The following ABCB1 variants were observed in gnomAD, a reference collection of about 807,000 sequenced individuals.
ABCB1 encodes ATP-dependent translocase ABCB1.
A neutral mutation model predicts 142.0 loss-of-function variants in ABCB1; 69 were observed. The ratio of observed to expected loss-of-function variants is 0.49; its 90% CI spans 0.40 to 0.59. The LOEUF (loss-of-function observed/expected upper bound fraction) is 0.59, where lower values mean the gene tolerates loss of function less well. ABCB1 is among the 20% of genes least tolerant of loss of function. ABCB1 has a pLI of 0.00. For missense variants in ABCB1, 1,326 were observed against 1,554.7 expected (o/e 0.85, Z 2.47); for synonymous variants, 532 against 539.2 (o/e 0.99, Z 0.18).
At chr7:87,599,943 A>G (rs1194743710) in intron 2 of ABCB1, among the ~76,000 whole-genome samples, 174 bp downstream of exon 2, 1 of 152,216 alleles carries the variant, frequency 6.6e-6, no homozygotes, top group Non-Finnish European at 1.5e-5. Context: ...GCTGTGCTCC[A>G]CTCAGCCAAC....
intron 1 of ABCB1, chr7:87,694,067 G>A: frequency 1.3e-6 from 2 of 1,527,630 alleles, no homozygotes; most frequent in Non-Finnish European, 1.7e-6. Flanking sequence ...ACATTGCATG[G>A]GTTTTGTAAA....
intron 14 of ABCB1, among the ~76,000 whole-genome samples, chr7:87,548,807 C>G (rs1388544278): frequency 6.6e-6 from 1 of 152,200 alleles, no homozygotes; most frequent in Non-Finnish European, 1.5e-5. Flanking sequence ...CAGTCAAACT[C>G]TGTTGATAGT....
intron 1 of ABCB1, among the ~76,000 whole-genome samples, chr7:87,668,451 C>T (rs1825489886): frequency 6.6e-6 from 1 of 151,746 alleles, no homozygotes; most frequent in African/African-American, 2.4e-5. Flanking sequence ...ATTAATTGAT[C>T]TTTTGATTGT....
At chr7:87,555,387 T>A (rs1817261989) in intron 8 of ABCB1, among the ~76,000 whole-genome samples, 1 of 152,212 alleles carries the variant, frequency 6.6e-6, no homozygotes. Context: ...AATTCACAAC[T>A]ATATAAATAT....
chr7:87,546,641 A>G (rs559754524), intron 14 of ABCB1, among the ~76,000 whole-genome samples: 7 of 152,290 alleles, frequency 4.6e-5, no homozygotes, highest in East Asian at 1.9e-4. Context: ...GCGTTGGCCA[A>G]TCAAAACAAA....
chr7:87,639,506 A>G (rs1822212927), intron 1 of ABCB1, among the ~76,000 whole-genome samples: 1 of 152,094 alleles, frequency 6.6e-6, no homozygotes, highest in South Asian at 2.1e-4. Flanking sequence ...TACCTCTATG[A>G]CTGTAGATTT....
chr7:87,580,969 C>T (rs1228267910), intron 4 of ABCB1, among the ~76,000 whole-genome samples: 1 of 151,730 alleles, frequency 6.6e-6, no homozygotes, highest in Non-Finnish European at 1.5e-5. Context: ...AGTGTGGTCG[C>T]TCACCTGGTT....
At chr7:87,691,265 G>T (rs1489475116) in intron 1 of ABCB1, among the ~76,000 whole-genome samples, 1 of 151,938 alleles carries the variant, frequency 6.6e-6, no homozygotes, top group East Asian at 1.9e-4. Flanking sequence ...ATACTTCTTG[G>T]GTCAGGAAAT....
chr7:87,509,398 C>T lies in ABCB1; in HGVS notation c.3366G>A (p.Leu1122=), dbSNP rs2117068273. The T allele has an allele frequency of 6.2e-7, 1 of 1,614,180 alleles. No homozygotes were observed. Among genetic ancestry groups the T allele is most frequent in the Non-Finnish European group, 8.5e-7 (1 of 1,180,032 alleles). The change falls in exon 26 of 28, where the codon CTG becomes CTA. Residue 1122 remains leucine, a synonymous_variant. Transcript: ENST00000622132. ...TGTTCTCAGCAATGCTGCAGTCAAA[C>T]AGGATGGGCTCCTGGGACACGATGC... ...HLGIVSQEPI[L]FDCSIAENIA... is the part of the protein sequence containing the mutation.
chr7:87,519,454 C>T lies in ABCB1; in HGVS notation c.2799G>A (p.Arg933=). 1 of 1,614,040 alleles carries T rather than the reference C, an allele frequency of 6.2e-7. No homozygotes were observed. The highest frequency in any genetic ancestry group is 8.5e-7 in the Non-Finnish European group (1 of 1,179,944). ...ATGTAATTCCAAAGATGTGTGCTTTCCTCAAAGAGTTTCTGAAAAGAAGAC... is the reference window on the plus strand; with the variant it reads ...ATGTAATTCCAAAGATGTGTGCTTTTCTCAAAGAGTTTCTGAAAAGAAGAC... ...SLQVPYRNSL[R]KAHIFGITFS... is the part of the protein sequence containing the mutation. Residue 933 remains arginine, a synonymous_variant, in exon 23 of 28, where the codon AGG becomes AGA. Coordinates refer to ENST00000622132, the MANE Select transcript of ABCB1 (RefSeq NM_001348946.2).
intron 1 of ABCB1, among the ~76,000 whole-genome samples, chr7:87,648,041 C>T (rs750186096): frequency 5.9e-5 from 9 of 151,692 alleles, no homozygotes; most frequent in African/African-American, 2.2e-4. Flanking sequence ...AAAAATTAGC[C>T]GGGCTTGGTG....
At chr7:87,691,669 G>A (rs902996658) in intron 1 of ABCB1, among the ~76,000 whole-genome samples, 4 of 152,024 alleles carry the variant, frequency 2.6e-5, no homozygotes, top group East Asian at 1.9e-4. Flanking sequence ...AAGGATTTAC[G>A]TTTTATATAA....
At position 87,591,534 on chromosome 7, in the gene ABCB1, A is replaced by G. The variant is rs1334305355; in HGVS notation, c.117+4232T>C. Among the ~76,000 whole-genome samples, 4 of 152,314 alleles carry G rather than the reference A, an allele frequency of 2.6e-5. No homozygotes were observed. The East Asian group carries it at 5.8e-4, about 22-fold the overall frequency. On this transcript the variant is annotated intron_variant, in intron 3 of 27. Transcript: ENST00000622132. Reference sequence around the variant, plus strand: ...ACAATAAGCCCAAGATCCTGTCCACACGTGCAATTTACTAAGGTACTCATG... The same window carrying G: ...ACAATAAGCCCAAGATCCTGTCCACGCGTGCAATTTACTAAGGTACTCATG...
chr7:87,565,626 CA>C, intron 7 of ABCB1: 1 of 333,314 alleles, frequency 3.0e-6, no homozygotes, highest in Non-Finnish European at 5.9e-6. Context: ...TCTAGAAAGC[CA>C]AAAACATTAA....
intron 1 of ABCB1, among the ~76,000 whole-genome samples, chr7:87,690,632 G>A (rs1319511464): frequency 2.6e-5 from 4 of 152,072 alleles, no homozygotes; most frequent in Non-Finnish European, 5.9e-5. Context: ...CAGTACTGTA[G>A]CATTTTTATC....
chr7:87,549,574 T>C, intron 13 of ABCB1, 56 bp from the exon 14 acceptor site: 1 of 1,613,080 alleles, frequency 6.2e-7, no homozygotes, highest in Non-Finnish European at 8.5e-7. Flanking sequence ...TCAGCTCATA[T>C]TTTAAATTGG....
chr7:87,693,987 A>G (rs770594952), intron 1 of ABCB1: 1 of 1,610,666 alleles, frequency 6.2e-7, no homozygotes, highest in Non-Finnish European at 8.5e-7. Context: ...GTCTCCCGCC[A>G]CTGAGCTGCA....
rs192328952 is a variant in ABCB1, at chr7:87,624,681, C to T, written c.-330-23603G>A. Among the ~76,000 whole-genome samples the T allele has an allele frequency of 7.9e-5, 12 of 152,218 alleles. No homozygotes were observed. The East Asian group carries it at 2.1e-3, about 27-fold the overall frequency. On this transcript the variant is annotated intron_variant, in intron 1 of 28. Coordinates refer to the ABCB1 transcript ENST00000265724. ...GTGCCAAAAGAAGTCCAAAAAGTAA[C>T]GTGGACTCATGGAGTTCTATAATAG...
chr7:87,620,183 CAG>C (rs1383876925), intron 1 of ABCB1, among the ~76,000 whole-genome samples: 2 of 150,956 alleles, frequency 1.3e-5, no homozygotes, highest in East Asian at 1.9e-4. Context: ...TTTTTTTAGA[CAG>C]AGTCTCGCTC....
Sources: gnomAD v4.1 joint callset for allele counts (sites outside exome capture counted in the v4.1 genomes callset) on GRCh38, gnomAD v4.1.1 for gene constraint, MANE v1.5 for transcripts, NCBI Gene and HGNC (gene_info 2026-07-23, HGNC 2026-07-21) for gene names.